The following STAT4 variants were observed in gnomAD, a reference collection of about 807,000 sequenced individuals.
The protein encoded by STAT4 is signal transducer and activator of transcription 4.
Under a neutral mutation model 110.5 loss-of-function variants are expected in STAT4, and 42 were observed. That is an observed-to-expected ratio of 0.38 (90% CI 0.30 to 0.49). The LOEUF (loss-of-function observed/expected upper bound fraction) is 0.49, where lower values mean the gene tolerates loss of function less well. Ranked by LOEUF, STAT4 falls within the 20% of genes least tolerant of loss-of-function variation. STAT4 has a pLI of 0.95. For synonymous variants in STAT4, 284 were observed against 302.2 expected (o/e 0.94, Z 0.63); for missense variants, 632 against 887.9 (o/e 0.71, Z 3.66).
At position 191,128,082 on chromosome 2, in the gene STAT4, C is replaced by T. The variant is rs183888747; in HGVS notation, c.273+18531G>A. The stretch of plus-strand genomic sequence containing the variant: ...AAGTCTTGACAACTAATTCACATTT[C>T]GTCTTAAACAGCACTAACCTTTCGA... On this transcript the variant is annotated intron_variant, in intron 3 of 23. Transcript: ENST00000392320. Among the ~76,000 whole-genome samples the T allele has an allele frequency of 1.8e-4, 28 of 152,354 alleles. 1 individual carries two copies. Among genetic ancestry groups the T allele is most frequent in the Admixed American group, 1.7e-3 (26 of 15,306 alleles).
intron 3 of STAT4, among the ~76,000 whole-genome samples, chr2:191,122,301 T>C (rs1477561563): frequency 2.7e-5 from 4 of 146,298 alleles, no homozygotes; most frequent in East Asian, 2.0e-4. Context: ...GATTTACCAC[T>C]AGACACACCC....
chr2:191,103,539 T>C (rs1034545705), intron 3 of STAT4, among the ~76,000 whole-genome samples: 2 of 152,156 alleles, frequency 1.3e-5, no homozygotes, highest in Admixed American at 1.3e-4. Flanking sequence ...CTAAATCTCT[T>C]ATCAGAATCC....
chr2:191,141,512 C>T (rs149062287), intron 3 of STAT4, among the ~76,000 whole-genome samples: 2 of 141,784 alleles, frequency 1.4e-5, no homozygotes, highest in African/African-American at 2.6e-5. Flanking sequence ...TATATACATA[C>T]ACATATGTAT....
In STAT4 at chr2:191,042,019, C is replaced by T. The variant is rs890227403; in HGVS notation, c.1252-871G>A. Among the ~76,000 whole-genome samples, 1 of 152,198 alleles carries T rather than the reference C, an allele frequency of 6.6e-6. No homozygotes were observed. Among genetic ancestry groups the T allele is most frequent in the Admixed American group, 6.5e-5 (1 of 15,278 alleles). On this transcript the variant is annotated intron_variant, in intron 14 of 23. Coordinates refer to ENST00000392320, the MANE Select transcript of STAT4 (RefSeq NM_003151.4). This position sits in a 1 kb window ranked among gnomAD's most constrained non-coding sequence, Gnocchi z 4.2. ...AAGCCCATGCTTGCCCCTTCTCCGA[C>T]ATCTAGAGCCAGGCTTAAAAGCTCC...
intron 4 of STAT4, among the ~76,000 whole-genome samples, chr2:191,074,053 C>G (rs1697244039): frequency 2.0e-5 from 3 of 152,142 alleles, no homozygotes. Context: ...GATGTTGAAT[C>G]TGCTGGGATG....
intron 5 of STAT4, among the ~76,000 whole-genome samples, chr2:191,070,600 T>C (rs1382378934): frequency 6.6e-6 from 1 of 152,186 alleles, no homozygotes; most frequent in East Asian, 1.9e-4. Flanking sequence ...CTTAGAAAAG[T>C]CAAACTTTCT....
At chr2:191,076,512 AAG>A (rs1697322929) in intron 3 of STAT4, among the ~76,000 whole-genome samples, 187 bp from the exon 4 acceptor site, 1 of 152,144 alleles carries the variant, frequency 6.6e-6, no homozygotes, top group Admixed American at 6.5e-5. Flanking sequence ...TAGACCCCTA[AAG>A]AGAGCATATT....
At chr2:191,065,066 G>C in intron 7 of STAT4, 108 bp from the exon 8 acceptor site, 1 of 1,234,612 alleles carries the variant, frequency 8.1e-7, no homozygotes, top group Non-Finnish European at 1.1e-6. Flanking sequence ...TTAAAATTTT[G>C]ACCAAATATT....
In STAT4 at chr2:191,107,085, G is replaced by A. The variant is rs148725473; in HGVS notation, c.274-30760C>T. ...ACACATTAATGTCAGCAGTAGAAACGTATGGTTGCGTGAAATGAAATATAG... is the reference window on the plus strand; with the variant it reads ...ACACATTAATGTCAGCAGTAGAAACATATGGTTGCGTGAAATGAAATATAG... On this transcript the variant is annotated intron_variant, in intron 3 of 23. Coordinates refer to ENST00000392320, the MANE Select transcript of STAT4 (RefSeq NM_003151.4). This position sits in a 1 kb window ranked among gnomAD's most constrained non-coding sequence, Gnocchi z 4.2. Among the ~76,000 whole-genome samples the A allele has an allele frequency of 1.3e-3, 202 of 152,298 alleles. 1 individual carries two copies. The highest frequency in any genetic ancestry group is 4.5e-3 in the African/African-American group (188 of 41,550).
intron 15 of STAT4, among the ~76,000 whole-genome samples, chr2:191,040,450 T>G (rs1696159404): frequency 6.6e-6 from 1 of 152,174 alleles, no homozygotes; most frequent in Non-Finnish European, 1.5e-5. Context: ...TTCCACTGAG[T>G]GTTCATGACT....
intron 14 of STAT4, among the ~76,000 whole-genome samples, chr2:191,045,451 T>A (rs1476616968): frequency 6.6e-6 from 1 of 152,088 alleles, no homozygotes; most frequent in African/African-American, 2.4e-5. Flanking sequence ...GGTGGAAAAT[T>A]TGGAGATATA....
At position 191,033,166 on chromosome 2, in the gene STAT4, T is replaced by C; in HGVS notation, c.1853-17A>G. ...TCACTTCCCCTTGAAAAACAGAAAT[T>C]GGAGAAATATACAGGTTCCTGTACA... On this transcript the variant is annotated splice_polypyrimidine_tract_variant and intron_variant, in intron 20 of 23. Coordinates refer to ENST00000392320, the MANE Select transcript of STAT4 (RefSeq NM_003151.4). This position sits in a 1 kb window ranked among gnomAD's most constrained non-coding sequence, Gnocchi z 6.9. 1 of 1,610,520 alleles carries C rather than the reference T, an allele frequency of 6.2e-7. No individual in the cohort carries two copies. The highest frequency in any genetic ancestry group is 8.5e-7 in the Non-Finnish European group (1 of 1,178,356).
chr2:191,052,351 A>C (rs1220823678), intron 14 of STAT4, among the ~76,000 whole-genome samples: 1 of 152,232 alleles, frequency 6.6e-6, no homozygotes. Flanking sequence ...CAACAGGTGG[A>C]GCTCAAAGAA....
chr2:191,042,987 C>T lies in STAT4; in HGVS notation c.1252-1839G>A, dbSNP rs920310714. Among the ~76,000 whole-genome samples, 1 of 152,188 alleles carries T rather than the reference C, an allele frequency of 6.6e-6. No homozygotes were observed. Among genetic ancestry groups the T allele is most frequent in the Non-Finnish European group, 1.5e-5 (1 of 68,032 alleles). On this transcript the variant is annotated intron_variant, in intron 14 of 23. Coordinates refer to ENST00000392320, the MANE Select transcript of STAT4 (RefSeq NM_003151.4). This position sits in a 1 kb window ranked among gnomAD's most constrained non-coding sequence, Gnocchi z 4.2. ...AGAGATGGGGTTTCTCCATGTTGGT[C>T]AAGCTGGGCTCGAACTCCCGACCTC...
rs1360182624 is a variant in STAT4, at chr2:191,031,416, T to G, written c.2111+34A>C. 1 of 1,599,166 alleles carries G rather than the reference T, an allele frequency of 6.3e-7. No homozygotes were observed. Among genetic ancestry groups the G allele is most frequent in the African/African-American group, 1.3e-5 (1 of 74,098 alleles). ...AAATCTCCTATAGGAAAGCTTTTTA[T>G]AAAAATATTTCACATGTGACTAACA... On this transcript the variant is annotated intron_variant, in intron 22 of 23. Coordinates refer to ENST00000392320, the MANE Select transcript of STAT4 (RefSeq NM_003151.4). This position sits in a 1 kb window ranked among gnomAD's most constrained non-coding sequence, Gnocchi z 4.8.
chr2:191,126,996 C>G (rs1173635377), intron 3 of STAT4, among the ~76,000 whole-genome samples: 3 of 151,812 alleles, frequency 2.0e-5, no homozygotes, highest in African/African-American at 7.3e-5. Context: ...ATTTTTTAAT[C>G]TTTTTTGTAG....
chr2:191,054,278 T>C (rs1390989683), intron 14 of STAT4, among the ~76,000 whole-genome samples: 2 of 152,162 alleles, frequency 1.3e-5, no homozygotes, highest in African/African-American at 2.4e-5. Context: ...GTTATTTTCT[T>C]TGGAGGGTGT....
chr2:191,042,694 T>A lies in STAT4; in HGVS notation c.1252-1546A>T, dbSNP rs1429766807. On this transcript the variant is annotated intron_variant, in intron 14 of 23. Coordinates refer to ENST00000392320, the MANE Select transcript of STAT4 (RefSeq NM_003151.4). The surrounding 1 kb of genome is among the most constrained non-coding windows in gnomAD (Gnocchi z 4.2). ...ACTCCAGGAAAAATGTATGTATAGG[T>A]GAAAAATAGGTTAAATAAGATAGGC... 6.6e-6 allele frequency among the ~76,000 whole-genome samples: 1 copy of A among 152,146 alleles called. No individual in the cohort carries two copies. The highest frequency in any genetic ancestry group is 2.4e-5 in the African/African-American group (1 of 41,420).
intron 3 of STAT4, among the ~76,000 whole-genome samples, chr2:191,125,592 A>T (rs1454687967): frequency 6.6e-6 from 1 of 151,640 alleles, no homozygotes; most frequent in Non-Finnish European, 1.5e-5. Context: ...GGCTTAAGTT[A>T]TCCTACCACC....
Sources: allele counts gnomAD v4.1 joint callset (sites outside exome capture counted in the v4.1 genomes callset), GRCh38; gene constraint gnomAD v4.1.1; non-coding constraint Gnocchi (gnomAD v3.1); transcripts MANE v1.5; gene names NCBI Gene and HGNC (gene_info 2026-07-23, HGNC 2026-07-21).